GRM7: variants seen among roughly 807,000 people sequenced by gnomAD.
The protein encoded by GRM7 is metabotropic glutamate receptor 7.
Under a neutral mutation model 84.5 loss-of-function variants are expected in GRM7, and 35 were observed. The observed-to-expected ratio is 0.41, with a 90% confidence interval of 0.32 to 0.55. GRM7 has a LOEUF of 0.55. Ranked by LOEUF, GRM7 falls within the 20% of genes least tolerant of loss-of-function variation. The pLI is 0.19. For synonymous variants in GRM7, 487 were observed against 455.1 expected (o/e 1.07, Z -0.89); for missense variants, 1,003 against 1,194.6 (o/e 0.84, Z 2.36).
chr3:7,362,911 T>A (rs963966419), intron 4 of GRM7, among the ~76,000 whole-genome samples: 4 of 152,024 alleles, frequency 2.6e-5, no homozygotes, highest in Non-Finnish European at 5.9e-5. Flanking sequence ...AAGGATTGCT[T>A]GAAGCCAGAG....
At chr3:7,595,379 C>A (rs990681145) in intron 8 of GRM7, among the ~76,000 whole-genome samples, 25 of 152,248 alleles carry the variant, frequency 1.6e-4, no homozygotes, top group African/African-American at 5.8e-4. Context: ...ATTGGTTAAA[C>A]TCCTTTACAA....
At chr3:7,021,351 G>A (rs1423839715) in intron 1 of GRM7, among the ~76,000 whole-genome samples, 1 of 152,190 alleles carries the variant, frequency 6.6e-6, no homozygotes, top group Non-Finnish European at 1.5e-5. Flanking sequence ...GAGAAAAGAT[G>A]TAACTTGCTC....
intron 9 of GRM7, among the ~76,000 whole-genome samples, chr3:7,707,536 G>A (rs1483202818): frequency 6.6e-6 from 1 of 152,122 alleles, no homozygotes; most frequent in Non-Finnish European, 1.5e-5. Context: ...CAATCACCAA[G>A]AGCACCATGT....
chr3:7,449,682 A>G (rs112185851), intron 5 of GRM7, among the ~76,000 whole-genome samples: 2 of 152,262 alleles, frequency 1.3e-5, no homozygotes, highest in African/African-American at 4.8e-5. Flanking sequence ...TGGAAATTTG[A>G]CATATAGTAA....
chr3:7,015,405 T>C (rs1695529136), intron 1 of GRM7, among the ~76,000 whole-genome samples: 1 of 152,194 alleles, frequency 6.6e-6, no homozygotes, highest in Non-Finnish European at 1.5e-5. Context: ...AGTAATTTAA[T>C]GAGTAAATGG....
chr3:7,064,264 T>G (rs1697542144), intron 1 of GRM7, among the ~76,000 whole-genome samples: 1 of 150,282 alleles, frequency 6.7e-6, no homozygotes, highest in Non-Finnish European at 1.5e-5. Context: ...GTCCCCAAAG[T>G]CCATTGTATT....
At chr3:7,660,981 A>G (rs1389176546) in intron 8 of GRM7, among the ~76,000 whole-genome samples, 2 of 152,376 alleles carry the variant, frequency 1.3e-5, no homozygotes, top group African/African-American at 4.8e-5. Context: ...TAGATTATAG[A>G]TTTAAACATA....
At chr3:6,978,796 A>G (rs1233660545) in intron 1 of GRM7, among the ~76,000 whole-genome samples, 1 of 152,214 alleles carries the variant, frequency 6.6e-6, no homozygotes, top group East Asian at 1.9e-4. Context: ...GTGGAGATGT[A>G]TTAACCCAGG....
At chr3:6,938,410 C>T (rs1247645120) in intron 1 of GRM7, among the ~76,000 whole-genome samples, 2 of 152,190 alleles carry the variant, frequency 1.3e-5, no homozygotes, top group Admixed American at 6.5e-5. Context: ...AACTCCACTG[C>T]TCTGTCTCCC....
At chr3:7,343,327 A>G (rs112156060) in intron 4 of GRM7, among the ~76,000 whole-genome samples, 6,321 of 151,946 alleles carry the variant, frequency 0.042, 295 homozygotes, top group African/African-American at 0.12. Flanking sequence ...TCGACCTCCT[A>G]GGCTTAAGCA....
intron 1 of GRM7, among the ~76,000 whole-genome samples, chr3:7,080,655 T>C (rs1416818133): frequency 1.3e-5 from 2 of 150,690 alleles, no homozygotes; most frequent in Admixed American, 6.7e-5. Flanking sequence ...TGTGTATGCA[T>C]ATATATAAAC....
At chr3:7,102,959 C>T (rs1699165260) in intron 1 of GRM7, among the ~76,000 whole-genome samples, 1 of 151,490 alleles carries the variant, frequency 6.6e-6, no homozygotes, top group Admixed American at 6.6e-5. Context: ...GCTTATTTGA[C>T]CATCTTTTCC....
chr3:7,216,220 T>C (rs1236581535), intron 2 of GRM7, among the ~76,000 whole-genome samples: 3 of 152,172 alleles, frequency 2.0e-5, no homozygotes, highest in Non-Finnish European at 2.9e-5. Flanking sequence ...CCTGTATTTT[T>C]GGAATTTAGA....
rs1481705357 is a variant in GRM7, at chr3:6,862,890, G to GA, written c.519+989dup. The GA allele has an allele frequency of 7.2e-6, 3 of 414,540 alleles. No homozygotes were observed. Among genetic ancestry groups the GA allele is most frequent in the East Asian group, 8.0e-5 (1 of 12,482 alleles). 25.7% of individuals were successfully genotyped at this position (414,540 alleles called of 1,614,324 possible). ...TGCTCCGGTGCCGGAGGGAGACGGA[G>GA]AAAAAATGGGAGGAAGGCGGATCCG... On this transcript the variant is annotated intron_variant, in intron 1 of 9. Coordinates refer to ENST00000357716, the MANE Select transcript of GRM7 (RefSeq NM_000844.4). The surrounding 1 kb of genome is among the most constrained non-coding windows in gnomAD (Gnocchi z 5.2).
intron 4 of GRM7, among the ~76,000 whole-genome samples, chr3:7,352,057 C>CACCACACACACACACA (rs1277659188): frequency 1.5e-5 from 2 of 136,894 alleles, no homozygotes; most frequent in African/African-American, 5.7e-5. Flanking sequence ...CACACACACA[C>CACCACACACACACACA]CACACACACA....
intron 8 of GRM7, among the ~76,000 whole-genome samples, chr3:7,670,627 G>A (rs1001686474): frequency 1.3e-5 from 2 of 152,052 alleles, no homozygotes; most frequent in African/African-American, 4.8e-5. Context: ...ATGTTCATTA[G>A]AACTATGAAG....
intron 2 of GRM7, among the ~76,000 whole-genome samples, chr3:7,168,711 G>T (rs1053753980): frequency 1.3e-5 from 2 of 152,112 alleles, no homozygotes; most frequent in African/African-American, 4.8e-5. Flanking sequence ...TAACAATTTA[G>T]CTGCCATTTA....
chr3:7,235,174 A>G (rs1426144665), intron 2 of GRM7, among the ~76,000 whole-genome samples: 1 of 152,232 alleles, frequency 6.6e-6, no homozygotes, highest in Non-Finnish European at 1.5e-5. Context: ...ACTAGACGGT[A>G]AAGTGCAGGA....
chr3:7,557,749 C>T (rs1693841799), intron 7 of GRM7, among the ~76,000 whole-genome samples: 1 of 152,146 alleles, frequency 6.6e-6, no homozygotes, highest in Non-Finnish European at 1.5e-5. Flanking sequence ...TAATTTATAA[C>T]TAAAATTATT....
Sources: gnomAD v4.1 joint callset for allele counts (sites outside exome capture counted in the v4.1 genomes callset) on GRCh38, gnomAD v4.1.1 for gene constraint, Gnocchi (gnomAD v3.1) non-coding constraint, MANE v1.5 for transcripts, NCBI Gene and HGNC (gene_info 2026-07-23, HGNC 2026-07-21) for gene names.